CSMD1: variants seen among roughly 807,000 people sequenced by gnomAD.
CSMD1 encodes CUB and Sushi multiple domains 1.
Under a neutral mutation model 417.5 loss-of-function variants are expected in CSMD1, and 213 were observed. The ratio of observed to expected loss-of-function variants is 0.51; its 90% CI spans 0.46 to 0.57. CSMD1 has a LOEUF of 0.57. Ranked by LOEUF, CSMD1 falls within the 20% of genes least tolerant of loss-of-function variation. The pLI is 0.00. For missense variants in CSMD1, 6,923 were observed against 4,529.7 expected (o/e 1.53, Z -15.17); for synonymous variants, 2,862 against 1,736.8 (o/e 1.65, Z -16.11).
At chr8:4,316,504 A>C (rs2128881615) in intron 3 of CSMD1, among the ~76,000 whole-genome samples, 1 of 152,274 alleles carries the variant, frequency 6.6e-6, no homozygotes, top group Non-Finnish European at 1.5e-5. Flanking sequence ...CAACCTATAC[A>C]AATAGAACTA....
intron 7 of CSMD1, among the ~76,000 whole-genome samples, chr8:3,626,086 C>T (rs533960089): frequency 1.8e-4 from 28 of 152,260 alleles, no homozygotes; most frequent in African/African-American, 6.7e-4. Context: ...GAATCGTCCT[C>T]ATCACCATCT....
chr8:4,710,690 A>C (rs920736439), intron 1 of CSMD1, among the ~76,000 whole-genome samples: 3 of 150,868 alleles, frequency 2.0e-5, no homozygotes, highest in African/African-American at 4.9e-5. Flanking sequence ...CTAAAAATAC[A>C]AAAAATTAGC....
intron 10 of CSMD1, among the ~76,000 whole-genome samples, chr8:3,510,499 T>A (rs1797019372): frequency 1.3e-5 from 2 of 151,784 alleles, no homozygotes; most frequent in Admixed American, 1.3e-4. Flanking sequence ...GAAAATGAGG[T>A]CTTAGGAAAG....
chr8:3,356,742 T>A (rs543004280), intron 21 of CSMD1, among the ~76,000 whole-genome samples: 3 of 152,118 alleles, frequency 2.0e-5, no homozygotes, highest in African/African-American at 4.8e-5. Context: ...ACCAACCTTA[T>A]AGAAAGAGCC....
intron 5 of CSMD1, among the ~76,000 whole-genome samples, chr8:3,837,485 G>C (rs547856585): frequency 6.6e-6 from 1 of 152,214 alleles, no homozygotes; most frequent in Admixed American, 6.6e-5. Flanking sequence ...ATGCTGAACA[G>C]CAGAAACAAG....
chr8:4,929,937 G>C (rs576587775), intron 1 of CSMD1, among the ~76,000 whole-genome samples: 1 of 152,308 alleles, frequency 6.6e-6, no homozygotes, highest in Admixed American at 6.5e-5. Context: ...AGCTAATTTA[G>C]TTCCTGAGTG....
chr8:4,881,693 G>A (rs572666748), intron 1 of CSMD1, among the ~76,000 whole-genome samples: 24 of 152,022 alleles, frequency 1.6e-4, no homozygotes, highest in African/African-American at 5.3e-4. Context: ...TGCAACCTCA[G>A]CCCTTCCACT....
intron 6 of CSMD1, among the ~76,000 whole-genome samples, chr8:3,709,793 G>A (rs890741866): frequency 1.4e-5 from 2 of 145,446 alleles, no homozygotes; most frequent in Non-Finnish European, 3.0e-5. Flanking sequence ...CAGGTCTTCG[G>A]TCTTGTCAGC....
intron 3 of CSMD1, among the ~76,000 whole-genome samples, chr8:4,355,577 G>C (rs938327995): frequency 2.6e-5 from 4 of 152,180 alleles, no homozygotes; most frequent in African/African-American, 7.2e-5. Context: ...ACAAAACTTG[G>C]TGAGGGACCA....
intron 26 of CSMD1, among the ~76,000 whole-genome samples, chr8:3,276,587 G>T (rs1802310349): frequency 6.6e-6 from 1 of 152,152 alleles, no homozygotes; most frequent in Non-Finnish European, 1.5e-5. Flanking sequence ...TCCCTCCCAT[G>T]ATACGTGGGA....
chr8:4,190,753 A>T (rs1007400685), intron 3 of CSMD1, among the ~76,000 whole-genome samples: 1 of 152,190 alleles, frequency 6.6e-6, no homozygotes, highest in Non-Finnish European at 1.5e-5. Flanking sequence ...TAACTAATTA[A>T]ACAGTACTAT....
At chr8:4,236,794 G>A (rs1042483188) in intron 3 of CSMD1, among the ~76,000 whole-genome samples, 1 of 152,138 alleles carries the variant, frequency 6.6e-6, no homozygotes. Context: ...TTACTAAATA[G>A]TAGCCCAAAT....
chr8:4,326,660 C>G (rs1334071588), intron 3 of CSMD1, among the ~76,000 whole-genome samples: 1 of 152,136 alleles, frequency 6.6e-6, no homozygotes, highest in Non-Finnish European at 1.5e-5. Context: ...AACGTTTCCT[C>G]AAAGACCAAA....
chr8:3,535,517 G>C (rs1280842090), intron 10 of CSMD1, among the ~76,000 whole-genome samples: 2 of 152,110 alleles, frequency 1.3e-5, no homozygotes, highest in African/African-American at 4.8e-5. Flanking sequence ...CATAGAGTGT[G>C]ACCTGTAAGA....
At chr8:4,040,791 A>G (rs1797847132) in intron 3 of CSMD1, among the ~76,000 whole-genome samples, 1 of 152,164 alleles carries the variant, frequency 6.6e-6, no homozygotes, top group Non-Finnish European at 1.5e-5. Context: ...TAGAGACTAG[A>G]TTTTCAAAAG....
At chr8:4,129,030 C>T (rs4460396) in intron 3 of CSMD1, among the ~76,000 whole-genome samples, 14,133 of 141,054 alleles carry the variant, frequency 0.1, 905 homozygotes, top group East Asian at 0.31. Flanking sequence ...AAGCCGAGAT[C>T]GCGCCACTGC....
At chr8:3,900,020 C>T (rs556512655) in intron 5 of CSMD1, among the ~76,000 whole-genome samples, 1 of 151,800 alleles carries the variant, frequency 6.6e-6, no homozygotes, top group Admixed American at 6.5e-5. Flanking sequence ...CTGGGTGACA[C>T]TAGCTAGGTG....
chr8:4,546,592 G>C (rs958177124), intron 2 of CSMD1, among the ~76,000 whole-genome samples: 4 of 152,242 alleles, frequency 2.6e-5, no homozygotes, highest in South Asian at 4.1e-4. Flanking sequence ...TCAGATTCAG[G>C]ACAGGACTTT....
intron 3 of CSMD1, among the ~76,000 whole-genome samples, chr8:4,112,870 G>A (rs1438858162): frequency 6.6e-6 from 1 of 152,022 alleles, no homozygotes; most frequent in African/African-American, 2.4e-5. Flanking sequence ...AAAAATTGAA[G>A]GCTTGTACCA....
Sources: gnomAD v4.1 joint callset for allele counts (sites outside exome capture counted in the v4.1 genomes callset) on GRCh38, gnomAD v4.1.1 for gene constraint, MANE v1.5 for transcripts, NCBI Gene and HGNC (gene_info 2026-07-23, HGNC 2026-07-21) for gene names.